Variants in CPEB3 observed in about 807,000 individuals in gnomAD.
CPEB3 encodes cytoplasmic polyadenylation element binding protein 3.
CPEB3 carries 20 observed loss-of-function variants against 67.2 expected under a neutral mutation model. The observed-to-expected ratio is 0.30, with a 90% confidence interval of 0.21 to 0.43. The LOEUF (loss-of-function observed/expected upper bound fraction) is 0.43. Among genes scored for constraint, CPEB3 ranks in the 20% least tolerant of loss-of-function variants. The pLI, the probability that CPEB3 is intolerant of heterozygous loss-of-function variation, is 1.00. For missense variants in CPEB3, 746 were observed against 968.6 expected, an observed-to-expected ratio of 0.77 and a Z score of 3.05; for synonymous variants, 376 against 393.1, an observed-to-expected ratio of 0.96 and a Z score of 0.51.
chr10:92,211,536 ATTTTTT>A (rs200179192), intron 2 of CPEB3, among the ~76,000 whole-genome samples: 1 of 140,788 alleles, frequency 7.1e-6, no homozygotes. Context: ...ATATATCATA[ATTTTTT>A]TTTTTTTTTT....
chr10:92,091,873 T>C lies in CPEB3; in HGVS notation c.1644A>G (p.Arg548=). 1 of 1,613,902 alleles carries C rather than the reference T, an allele frequency of 6.2e-7. No individual in the cohort carries two copies. The highest frequency in any genetic ancestry group is 8.5e-7 in the Non-Finnish European group (1 of 1,179,872). Residue 548 remains arginine, a synonymous_variant, in exon 8 of 10, where the codon AGA becomes AGG. Coordinates refer to ENST00000265997, the MANE Select transcript of CPEB3 (RefSeq NM_014912.5). ...VMDGSQPLDP[R]KTIFVGGVPR... is the part of the protein sequence containing the mutation. ...GAACTCCCCCAACAAAGATAGTTTT[T>C]CTGGGGTCCAAAGGCTGAGAACCAT...
intron 1 of CPEB3, among the ~76,000 whole-genome samples, chr10:92,257,175 A>G (rs574944941): frequency 1.3e-5 from 2 of 152,344 alleles, no homozygotes; most frequent in African/African-American, 4.8e-5. Flanking sequence ...GTTGGAGGAT[A>G]TTTGATTTGT....
At chr10:92,053,531 TTTTTTTCTTTTTC>T (rs1841989709) in intron 9 of CPEB3, among the ~76,000 whole-genome samples, 6 of 144,764 alleles carry the variant, frequency 4.1e-5, no homozygotes, top group Admixed American at 2.9e-4. Context: ...GCTCGGCTAA[TTTTTTTCTTTTTC>T]TTTTTTTTTT....
chr10:92,111,697 G>C (rs985195326), intron 6 of CPEB3, among the ~76,000 whole-genome samples: 10 of 152,206 alleles, frequency 6.6e-5, no homozygotes, highest in African/African-American at 1.7e-4. Flanking sequence ...TAGGCACTGA[G>C]TTTCTTTTTG....
At chr10:92,244,339 C>T (rs1366563647) in intron 1 of CPEB3, among the ~76,000 whole-genome samples, 3 of 151,056 alleles carry the variant, frequency 2.0e-5, no homozygotes, top group Admixed American at 2.0e-4. Context: ...AGAGTAAGAC[C>T]CTGTCTCAAA....
chr10:92,258,684 T>C (rs1395274366), intron 1 of CPEB3, among the ~76,000 whole-genome samples: 1 of 126,124 alleles, frequency 7.9e-6, no homozygotes, highest in African/African-American at 3.0e-5. Flanking sequence ...ATATATTTCA[T>C]GTATTTGTGT....
chr10:92,167,062 T>C (rs1212499021), intron 4 of CPEB3, among the ~76,000 whole-genome samples: 2 of 152,236 alleles, frequency 1.3e-5, no homozygotes, highest in African/African-American at 4.8e-5. Flanking sequence ...TTCTAGCTTT[T>C]CTTCTGCAGC....
At chr10:92,089,696 T>C (rs1308135478) in intron 8 of CPEB3, among the ~76,000 whole-genome samples, 2 of 151,782 alleles carry the variant, frequency 1.3e-5, no homozygotes, top group Non-Finnish European at 2.9e-5. Context: ...GGCAGGAGAA[T>C]CTCTTGAACC....
intron 1 of CPEB3, among the ~76,000 whole-genome samples, chr10:92,263,731 G>T (rs1243128193): frequency 6.6e-6 from 1 of 152,058 alleles, no homozygotes; most frequent in African/African-American, 2.4e-5. Context: ...TTGTTATGTT[G>T]CCCAGGCTGG....
intron 2 of CPEB3, among the ~76,000 whole-genome samples, chr10:92,223,730 C>A (rs533057695): frequency 6.7e-6 from 1 of 150,190 alleles, no homozygotes; most frequent in African/African-American, 2.5e-5. Context: ...CCTGTCACCA[C>A]GCCTGGTTAA....
chr10:92,077,277 G>A (rs956421501), intron 9 of CPEB3, among the ~76,000 whole-genome samples: 1 of 152,160 alleles, frequency 6.6e-6, no homozygotes, highest in African/African-American at 2.4e-5. Context: ...CCTATGAAAG[G>A]TGTAGTTAAC....
intron 1 of CPEB3, among the ~76,000 whole-genome samples, chr10:92,253,199 C>T (rs1245902605): frequency 1.3e-5 from 2 of 151,942 alleles, no homozygotes; most frequent in Admixed American, 6.6e-5. Flanking sequence ...CGGTAGCTCA[C>T]GCCTGTAATC....
chr10:92,250,396 A>T (rs896497537), intron 1 of CPEB3, among the ~76,000 whole-genome samples: 10 of 151,860 alleles, frequency 6.6e-5, no homozygotes, highest in African/African-American at 2.4e-4. Context: ...CCAATTTTTA[A>T]AAAAAAAATT....
intron 6 of CPEB3, among the ~76,000 whole-genome samples, chr10:92,141,620 T>C (rs1403869655): frequency 1.3e-5 from 2 of 150,820 alleles, no homozygotes; most frequent in Non-Finnish European, 3.0e-5. Context: ...ACCCTAAAAC[T>C]TAAAGTATAA....
chr10:92,085,776 A>G (rs1455525638), intron 8 of CPEB3, among the ~76,000 whole-genome samples: 1 of 151,868 alleles, frequency 6.6e-6, no homozygotes, highest in Non-Finnish European at 1.5e-5. Context: ...CGCCCAACTC[A>G]TTTTTATATT....
intron 4 of CPEB3, among the ~76,000 whole-genome samples, chr10:92,146,094 T>G (rs940503535): frequency 1.4e-4 from 21 of 152,182 alleles, no homozygotes; most frequent in Non-Finnish European, 1.6e-4. Flanking sequence ...CTACATTTTA[T>G]ATCACTCAAA....
intron 2 of CPEB3, among the ~76,000 whole-genome samples, chr10:92,238,610 A>AT (rs1348879921): frequency 7.1e-6 from 1 of 140,778 alleles, no homozygotes; most frequent in Non-Finnish European, 1.5e-5. Flanking sequence ...GTCACGTCCT[A>AT]TTGTCTCTTA....
Position 92,049,936 on chromosome 10 carries a change from C to T in CPEB3, c.*2276G>A, listed in dbSNP as rs1852229501. ...AGTTACCCATCTGTTAAATCATTTT[C>T]TTGCAGAATTAAATTAATATATATT... On this transcript the variant is annotated 3_prime_UTR_variant, in exon 10 of 10. Coordinates refer to ENST00000265997, the MANE Select transcript of CPEB3 (RefSeq NM_014912.5). 6.6e-6 allele frequency: 1 copy of T among 152,424 alleles called. No individual in the cohort carries two copies. The highest frequency in any genetic ancestry group is 2.4e-5 in the African/African-American group (1 of 41,398). 9.4% of individuals were successfully genotyped at this position (152,424 alleles called of 1,614,324 possible).
At chr10:92,281,596 T>C (rs965672995) in intron 1 of CPEB3, among the ~76,000 whole-genome samples, 1 of 152,192 alleles carries the variant, frequency 6.6e-6, no homozygotes. Flanking sequence ...AGCAACCAGT[T>C]CAGTTTGCAT....
Sources: allele counts gnomAD v4.1 joint callset (sites outside exome capture counted in the v4.1 genomes callset), GRCh38; gene constraint gnomAD v4.1.1; transcripts MANE v1.5; gene names NCBI Gene and HGNC (gene_info 2026-07-23, HGNC 2026-07-21).